NARS1: variants seen among roughly 807,000 people sequenced by gnomAD.
The protein encoded by NARS1 is asparagine--tRNA ligase, cytoplasmic.
Under a neutral mutation model 79.2 loss-of-function variants are expected in NARS1, and 65 were observed. The observed-to-expected ratio is 0.82, with a 90% CI of 0.67 to 1.01. The LOEUF is 1.01. Ranked by LOEUF, NARS1 falls within the 50% of genes least tolerant of loss-of-function variation. NARS1 has a pLI of 0.00. For missense variants in NARS1, 649 were observed against 673.8 expected (o/e 0.96, Z 0.41); for synonymous variants, 229 against 238.8 (o/e 0.96, Z 0.38).
At chr18:57,607,869 C>CTT (rs1197731953) in intron 7 of NARS1, among the ~76,000 whole-genome samples, 369 of 142,134 alleles carry the variant, frequency 2.6e-3, no homozygotes, top group African/African-American at 9.0e-3. Flanking sequence ...ACACAAATAT[C>CTT]TTTTTTTTTT....
At chr18:57,617,566 C>A (rs1908102643) in intron 2 of NARS1, among the ~76,000 whole-genome samples, 2 of 74,592 alleles carry the variant, frequency 2.7e-5, no homozygotes, top group African/African-American at 1.2e-4. Flanking sequence ...GAGCAAGACT[C>A]CGTCTCAAAA....
chr18:57,605,347 G>A (rs1031884997), intron 11 of NARS1, among the ~76,000 whole-genome samples: 14 of 151,702 alleles, frequency 9.2e-5, no homozygotes, highest in African/African-American at 2.9e-4. Context: ...GGTGGCTCAC[G>A]CCTATAATCC....
At position 57,607,445 on chromosome 18, in the gene NARS1, T is replaced by G. The variant is rs1177288282; in HGVS notation, c.800A>C (p.Glu267Ala). The G allele has an allele frequency of 6.2e-7, 1 of 1,613,776 alleles. No homozygotes were observed. The highest frequency in any genetic ancestry group is 8.5e-7 in the Non-Finnish European group (1 of 1,179,848). The change falls in exon 8 of 14, where the codon GAA (glutamate) becomes GCA (alanine). Residue 267 changes from glutamate to alanine, a missense_variant and splice_region_variant. Physicochemically the swap from Glu to Ala is moderately radical, Grantham distance 107. Coordinates refer to ENST00000256854, the MANE Select transcript of NARS1 (RefSeq NM_004539.4). ...AAAAGCTGACGAATGCATACTTACT[T>G]CATAGTACCCCCTATCAAAGAAGTG... ...RDHFFDRGYY[E>A]VTPPTLVQTQ...
chr18:57,609,421 A>G lies in NARS1; in HGVS notation c.515T>C (p.Leu172Pro), dbSNP rs759359371. Residue 172 changes from leucine (L) to proline (P), a missense_variant, in exon 7 of 14, where the codon CTC (leucine) becomes CCC (proline). Transcript: ENST00000256854. ...TGCAACACTGCTCTCCGTGGACAAG[A>G]GAACTCCATTGTAGCACTGACACTA... ...DELCQCYNGV[L>P]LSTESSVAVY... 6.2e-7 allele frequency: 1 copy of G among 1,614,018 alleles called. No homozygotes were observed. The highest frequency in any genetic ancestry group is 8.5e-7 in the Non-Finnish European group (1 of 1,179,936).
chr18:57,610,788 A>C (rs2122440469), intron 6 of NARS1, among the ~76,000 whole-genome samples: 2 of 152,276 alleles, frequency 1.3e-5, no homozygotes, highest in East Asian at 3.9e-4. Flanking sequence ...CAGAGTTATA[A>C]AGAAAATTTC....
At chr18:57,606,483 T>G (rs1297269452) in intron 10 of NARS1, 133 bp downstream of exon 10, 2 of 827,108 alleles carry the variant, frequency 2.4e-6, no homozygotes, top group Admixed American at 2.5e-5. Flanking sequence ...TAACATCAAA[T>G]TCTAGTCTTC....
At chr18:57,615,571 C>A (rs1907987143) in intron 4 of NARS1, 70 bp downstream of exon 4, 2 of 949,396 alleles carry the variant, frequency 2.1e-6, no homozygotes, top group Admixed American at 2.1e-5. Flanking sequence ...ATGTGACATG[C>A]CCCTCATACA....
Position 57,605,145 on chromosome 18 carries a change from A to C in NARS1, c.1251+712T>G, listed in dbSNP as rs145271618. On this transcript the variant is annotated intron_variant, in intron 11 of 13. Transcript: ENST00000256854. ...AGAAAAAAAAAAAAAATATATATAT[A>C]TATATATATCTATATACCAACATTT... Among the ~76,000 whole-genome samples, 444 of 140,174 alleles carry C rather than the reference A, an allele frequency of 3.2e-3. 6 individuals are homozygous for C. The highest frequency in any genetic ancestry group is 9.0e-3 in the African/African-American group (340 of 37,882). 92.0% of individuals were successfully genotyped at this position (140,174 alleles called of 152,430 possible).
At chr18:57,610,941 G>A (rs1253251445) in intron 6 of NARS1, among the ~76,000 whole-genome samples, 3 of 150,632 alleles carry the variant, frequency 2.0e-5, no homozygotes, top group East Asian at 3.9e-4. Flanking sequence ...GGTGGAGGGT[G>A]TGATAATAGT....
chr18:57,602,569 C>A, intron 12 of NARS1, 83 bp from the exon 13 acceptor site: 1 of 1,483,194 alleles, frequency 6.7e-7, no homozygotes, highest in Admixed American at 2.0e-5. Context: ...ATGAAAATTA[C>A]AATTAAGCTC....
chr18:57,621,048 A>G (rs553341426), intron 1 of NARS1, among the ~76,000 whole-genome samples: 1 of 152,320 alleles, frequency 6.6e-6, no homozygotes, highest in African/African-American at 2.4e-5. Context: ...AATAGGAAAA[A>G]CAATCCCCAT....
intron 4 of NARS1, 74 bp from the exon 5 acceptor site, chr18:57,613,754 C>T: frequency 8.2e-7 from 1 of 1,225,296 alleles, no homozygotes; most frequent in Non-Finnish European, 1.2e-6. Flanking sequence ...TAATATTAGG[C>T]AGACGGTAGT....
chr18:57,607,497 A>G lies in NARS1; in HGVS notation c.748T>C (p.Ser250Pro). ...ENMSKILKAR[S>P]MVTRCFRDHF... Reference sequence around the variant, plus strand: ...TCTCTAAAGCACCTGGTGACCATGGATCGTGCTTTTAGGATTTTGGACATG... The same window carrying G: ...TCTCTAAAGCACCTGGTGACCATGGGTCGTGCTTTTAGGATTTTGGACATG... Residue 250 changes from serine to proline, a missense_variant, in exon 8 of 14, where the codon TCC (serine) becomes CCC (proline). Coordinates refer to ENST00000256854, the MANE Select transcript of NARS1 (RefSeq NM_004539.4). The G allele has an allele frequency of 6.2e-7, 1 of 1,614,140 alleles. No homozygotes were observed. Among genetic ancestry groups the G allele is most frequent in the Non-Finnish European group, 8.5e-7 (1 of 1,180,034 alleles).
rs937783880 is a variant in NARS1, at chr18:57,601,454, T to C, written c.*198A>G. ...TTGTTTCCCGAACTTAAGAAAAAAA[T>C]GGATATTTTTTCTTAAGATGACAAC... On this transcript the variant is annotated 3_prime_UTR_variant, in exon 14 of 14. Transcript: ENST00000256854. 8.7e-5 allele frequency: 41 copies of C among 469,204 alleles called. No individual in the cohort carries two copies. The Admixed American group carries it at 1.6e-3, about 18-fold the overall frequency. 29.1% of individuals were successfully genotyped at this position (469,204 alleles called of 1,614,324 possible).
Position 57,607,188 on chromosome 18 carries a change from C to A in NARS1, c.947G>T (p.Cys316Phe). 1 of 1,614,058 alleles carries A rather than the reference C, an allele frequency of 6.2e-7. No homozygotes were observed. Among genetic ancestry groups the A allele is most frequent in the Non-Finnish European group, 8.5e-7 (1 of 1,180,008 alleles). ...CTCTGCCCGGTATGACTGAGCAATACAAAAAACATCTCCCAGGGCTGGGAG... is the reference window on the plus strand; with the variant it reads ...CTCTGCCCGGTATGACTGAGCAATAAAAAAAACATCTCCCAGGGCTGGGAG... ...TCLPALGDVF[C>F]IAQSYRAEQS... The change falls in exon 9 of 14, where the codon TGT becomes TTT. Residue 316 changes from cysteine (C) to phenylalanine (F), a missense_variant. Physicochemically the swap from Cys to Phe is radical, Grantham distance 205. Coordinates refer to ENST00000256854, the MANE Select transcript of NARS1 (RefSeq NM_004539.4).
chr18:57,614,939 G>A (rs1201459888), intron 4 of NARS1, among the ~76,000 whole-genome samples: 1 of 152,180 alleles, frequency 6.6e-6, no homozygotes, highest in Non-Finnish European at 1.5e-5. Flanking sequence ...ACTTTGGGAG[G>A]CTGAGGTGGG....
chr18:57,607,929 G>T (rs1412643292), intron 7 of NARS1, among the ~76,000 whole-genome samples: 2 of 149,330 alleles, frequency 1.3e-5, no homozygotes, highest in African/African-American at 5.0e-5. Flanking sequence ...GTGCAGTGAC[G>T]CAATCTTGGC....
At chr18:57,612,445 T>A (rs565946781) in intron 5 of NARS1, among the ~76,000 whole-genome samples, 151 of 149,326 alleles carry the variant, frequency 1.0e-3, no homozygotes, top group African/African-American at 3.5e-3. Context: ...CCACCGTCGC[T>A]TTTTTTTCAG....
At chr18:57,618,121 A>C (rs1437479061) in intron 2 of NARS1, among the ~76,000 whole-genome samples, 13 of 114,074 alleles carry the variant, frequency 1.1e-4, no homozygotes, top group African/African-American at 4.1e-4. Flanking sequence ...TACTAGAAAT[A>C]AAAAAAAAAA....
Sources: gnomAD v4.1 joint callset for allele counts (sites outside exome capture counted in the v4.1 genomes callset) on GRCh38, gnomAD v4.1.1 for gene constraint, MANE v1.5 for transcripts, NCBI Gene and HGNC (gene_info 2026-07-23, HGNC 2026-07-21) for gene names.